TEC: variants seen among roughly 807,000 people sequenced by gnomAD.
The protein encoded by TEC is tec protein tyrosine kinase.
In TEC, 72 loss-of-function variants were observed where a neutral mutation model predicts 93.0. That is an observed-to-expected ratio of 0.77 (90% CI 0.64 to 0.94). The LOEUF is 0.94. Among genes scored for constraint, TEC ranks in the 40% least tolerant of loss-of-function variants. The pLI is 0.00. For synonymous variants in TEC, 249 were observed against 247.7 expected, an observed-to-expected ratio of 1.01 and a Z score of -0.05; for missense variants, 630 against 757.9, an observed-to-expected ratio of 0.83 and a Z score of 1.98.
At chr4:48,160,979 A>T (rs542455876) in intron 8 of TEC, among the ~76,000 whole-genome samples, 1 of 152,102 alleles carries the variant, frequency 6.6e-6, no homozygotes, top group South Asian at 2.1e-4. Flanking sequence ...TACATCTAGA[A>T]ATTAGGCCCT....
chr4:48,228,368 C>A, intron 2 of TEC, 109 bp downstream of exon 2: 2 of 1,189,064 alleles, frequency 1.7e-6, no homozygotes, highest in Non-Finnish European at 2.2e-6. Context: ...GATAATAAAT[C>A]ATTACTTCAT....
chr4:48,149,763 A>T (rs1720080041), intron 10 of TEC, 73 bp from the exon 11 acceptor site: 4 of 1,473,050 alleles, frequency 2.7e-6, no homozygotes, highest in Non-Finnish European at 2.7e-6. Flanking sequence ...GTTTTCTACA[A>T]GGGCAACCAC....
rs3062061 is a variant in TEC, at chr4:48,164,552, TACAC to T, written c.672-789_672-786del. 9.3e-5 allele frequency among the ~76,000 whole-genome samples: 14 copies of T among 151,190 alleles called. 1 individual carries two copies. The South Asian group carries it at 2.3e-3, about 25-fold the overall frequency. On this transcript the variant is annotated intron_variant, in intron 7 of 17. Transcript: ENST00000381501. ...TTAAAGTATTAGTAAGAACTCATAA[TACAC>T]ACACACACACACAAATGTGTGCATA... is the stretch of plus-strand genomic sequence containing the variant.
intron 2 of TEC, among the ~76,000 whole-genome samples, chr4:48,225,758 G>C (rs1560416762): frequency 6.6e-6 from 1 of 150,516 alleles, no homozygotes; most frequent in Non-Finnish European, 1.5e-5. Context: ...TACTATGAGA[G>C]GCAAACAAAT....
chr4:48,156,998 G>A (rs928578812), intron 8 of TEC, among the ~76,000 whole-genome samples: 2 of 152,024 alleles, frequency 1.3e-5, no homozygotes, highest in Non-Finnish European at 1.5e-5. Flanking sequence ...TAGGCTATAC[G>A]ATAACCTGAA....
At chr4:48,265,767 C>A (rs558375906) in intron 1 of TEC, among the ~76,000 whole-genome samples, 2 of 152,220 alleles carry the variant, frequency 1.3e-5, no homozygotes, top group East Asian at 3.9e-4. Context: ...CCTGCCTTGG[C>A]CTCCCAAAGT....
intron 17 of TEC, 96 bp from the exon 18 acceptor site, chr4:48,137,595 G>C: frequency 2.0e-6 from 2 of 1,002,444 alleles, no homozygotes; most frequent in Non-Finnish European, 3.1e-6. Flanking sequence ...ATTACAGAGA[G>C]ACTTCACTGC....
chr4:48,210,106 G>A (rs1321374975), intron 2 of TEC, among the ~76,000 whole-genome samples: 1 of 152,078 alleles, frequency 6.6e-6, no homozygotes, highest in Non-Finnish European at 1.5e-5. Context: ...CCTTCCAGAG[G>A]CCTTAGGAAG....
chr4:48,245,229 G>C (rs1380304454), intron 1 of TEC, among the ~76,000 whole-genome samples: 1 of 151,350 alleles, frequency 6.6e-6, no homozygotes, highest in Non-Finnish European at 1.5e-5. Flanking sequence ...GGAGTCGGAG[G>C]TTGCAGTGAG....
chr4:48,209,611 T>A lies in TEC; in HGVS notation c.138+18866A>T, dbSNP rs374300333. Among the ~76,000 whole-genome samples, 236 of 152,030 alleles carry A rather than the reference T, an allele frequency of 1.6e-3. 3 individuals carry two copies. The highest frequency in any genetic ancestry group is 5.4e-3 in the African/African-American group (225 of 41,452). On this transcript the variant is annotated intron_variant, in intron 2 of 17. Transcript: ENST00000381501. ...CTGGGTAACAGAGTGAGACTTTGTC[T>A]CAAAAAAAATAGATTTATAAAAAAT...
chr4:48,245,295 G>GAA (rs10622690), intron 1 of TEC, among the ~76,000 whole-genome samples: 12,364 of 145,168 alleles, frequency 0.085, 668 homozygotes, highest in South Asian at 0.17. Context: ...CCTTCTCCAG[G>GAA]AAAAAAAAAA....
chr4:48,228,707 T>C (rs1356587262), intron 1 of TEC, 48 bp from the exon 2 acceptor site: 6 of 1,478,164 alleles, frequency 4.1e-6, no homozygotes, highest in East Asian at 4.7e-5. Flanking sequence ...TAATTTTCTA[T>C]GGATGTTGCC....
intron 1 of TEC, among the ~76,000 whole-genome samples, chr4:48,238,135 A>C (rs1459480091): frequency 3.3e-5 from 5 of 152,246 alleles, no homozygotes; most frequent in Non-Finnish European, 7.3e-5. Flanking sequence ...AGTTCAATCA[A>C]AATAGAGTAC....
rs552884061 is a variant in TEC at position 48,196,463 on chromosome 4, C to T, written c.139-20277G>A. Among the ~76,000 whole-genome samples the T allele has an allele frequency of 5.3e-5, 8 of 152,206 alleles. No homozygotes were observed. In the East Asian group the frequency reaches 7.7e-4, roughly 15 times the overall value. Reference sequence around the variant, plus strand: ...ACTTCATATGATTGCAGTAAGAATTCGAAGAGTCAATTCATGTAAAGCTTT... The same window carrying T: ...ACTTCATATGATTGCAGTAAGAATTTGAAGAGTCAATTCATGTAAAGCTTT... On this transcript the variant is annotated intron_variant, in intron 2 of 17. Coordinates refer to ENST00000381501, the MANE Select transcript of TEC (RefSeq NM_003215.3).
chr4:48,171,172 A>C (rs1221814031), intron 4 of TEC, among the ~76,000 whole-genome samples, 196 bp downstream of exon 4: 1 of 152,374 alleles, frequency 6.6e-6, no homozygotes, highest in East Asian at 1.9e-4. Flanking sequence ...TACTAGAAAA[A>C]AATCAGATTT....
chr4:48,185,065 C>T (rs1721759905), intron 2 of TEC, among the ~76,000 whole-genome samples: 2 of 152,186 alleles, frequency 1.3e-5, no homozygotes, highest in Admixed American at 1.3e-4. Flanking sequence ...CACACACACA[C>T]AATCCGTTGC....
chr4:48,163,816 A>AC, intron 7 of TEC, 49 bp from the exon 8 acceptor site: 1 of 1,014,818 alleles, frequency 9.9e-7, no homozygotes, highest in Non-Finnish European at 1.4e-6. Context: ...CTGGGAGGTT[A>AC]TTGAAAGAAA....
chr4:48,262,568 T>A (rs986113443), intron 1 of TEC, among the ~76,000 whole-genome samples: 1 of 152,116 alleles, frequency 6.6e-6, no homozygotes, highest in Non-Finnish European at 1.5e-5. Flanking sequence ...ATTAAGTACT[T>A]GCTTGGTACT....
intron 2 of TEC, among the ~76,000 whole-genome samples, chr4:48,182,340 T>G (rs28538414): frequency 0.5 from 75,536 of 151,294 alleles, 19,199 homozygotes; most frequent in Admixed American, 0.56. Flanking sequence ...TTACTTTTTT[T>G]TGTGTTATAT....
Sources: allele counts gnomAD v4.1 joint callset (sites outside exome capture counted in the v4.1 genomes callset), GRCh38; gene constraint gnomAD v4.1.1; transcripts MANE v1.5; gene names NCBI Gene and HGNC (gene_info 2026-07-23, HGNC 2026-07-21).